The following RBM44 variants were observed in gnomAD, a reference collection of about 807,000 sequenced individuals.
RBM44 encodes the protein RNA-binding protein 44.
A neutral mutation model predicts 105.1 loss-of-function variants in RBM44; 66 were observed. The observed-to-expected ratio is 0.63, with a 90% confidence interval of 0.52 to 0.77. RBM44 has a LOEUF of 0.77. Among genes scored for constraint, RBM44 ranks in the 30% least tolerant of loss-of-function variants. The pLI, the probability that RBM44 is intolerant of heterozygous loss-of-function variation, is 0.00. For missense variants in RBM44, 1,122 were observed against 1,207.8 expected (o/e 0.93, Z 1.05); for synonymous variants, 365 against 417.6 (o/e 0.87, Z 1.54).
chr2:237,813,098 C>T (rs1298259201), intron 1 of RBM44, among the ~76,000 whole-genome samples: 3 of 152,142 alleles, frequency 2.0e-5, no homozygotes, highest in Non-Finnish European at 4.4e-5. Flanking sequence ...ATCCCCCATG[C>T]CCATTTATAG....
In RBM44 at chr2:237,803,329, T is replaced by A. The variant is rs2061565826; in HGVS notation, c.-19+4468T>A. Reference sequence around the variant, plus strand: ...CACACACACACACACATACTCTCTCTCTCACACACACACACATACTTTCTC... The same window carrying A: ...CACACACACACACACATACTCTCTCACTCACACACACACACATACTTTCTC... On this transcript the variant is annotated intron_variant, in intron 1 of 15. Coordinates refer to ENST00000316997, the MANE Select transcript of RBM44 (RefSeq NM_001080504.3). This position sits in a 1 kb window ranked among gnomAD's most constrained non-coding sequence, Gnocchi z 4.2. Among the ~76,000 whole-genome samples the A allele has an allele frequency of 6.7e-6, 1 of 149,436 alleles. No homozygotes were observed. Among genetic ancestry groups the A allele is most frequent in the Admixed American group, 6.6e-5 (1 of 15,082 alleles).
At chr2:237,806,744 AAT>A (rs1444471211) in intron 1 of RBM44, among the ~76,000 whole-genome samples, 1 of 152,178 alleles carries the variant, frequency 6.6e-6, no homozygotes, top group African/African-American at 2.4e-5. Context: ...GTCAAACACT[AAT>A]ATGTGTATTT....
chr2:237,814,832 C>T (rs980738240), intron 2 of RBM44, among the ~76,000 whole-genome samples: 2 of 152,036 alleles, frequency 1.3e-5, no homozygotes, highest in African/African-American at 2.4e-5. Flanking sequence ...AGTTAGAGTT[C>T]TACCTTATGC....
chr2:237,799,715 A>G (rs764903731), intron 1 of RBM44, among the ~76,000 whole-genome samples: 2 of 152,196 alleles, frequency 1.3e-5, no homozygotes, highest in Non-Finnish European at 2.9e-5. Context: ...ACTTATTCAG[A>G]TTTTAATCTG....
intron 1 of RBM44, among the ~76,000 whole-genome samples, chr2:237,805,337 A>G (rs1422454362): frequency 6.6e-6 from 1 of 152,232 alleles, no homozygotes; most frequent in Non-Finnish European, 1.5e-5. Context: ...AAGAAATCAG[A>G]CAACACAAAT....
In RBM44 at chr2:237,818,058, CCTGGACCT is replaced by C. The variant is rs1363875844; in HGVS notation, c.1143_1150del (p.Trp381CysfsTer3). On this transcript the variant is annotated frameshift_variant, in exon 3 of 16. Coordinates refer to ENST00000316997, the MANE Select transcript of RBM44 (RefSeq NM_001080504.3). LOFTEE classifies it high-confidence loss of function. The surrounding 1 kb of genome is among the most constrained non-coding windows in gnomAD (Gnocchi z 4.6). Reference sequence around the variant, plus strand: ...CAACCCTGTAAAGATTGTCAAACTTCCTGGACCTCTGTTTTTGATGATTCGATAATTTC... The same window carrying C: ...CAACCCTGTAAAGATTGTCAAACTTCCTGTTTTTGATGATTCGATAATTTC... 5 of 1,612,822 alleles carry C rather than the reference CCTGGACCT, an allele frequency of 3.1e-6. No individual in the cohort carries two copies. Among genetic ancestry groups the C allele is most frequent in the Non-Finnish European group, 4.2e-6 (5 of 1,179,448 alleles).
At chr2:237,799,716 T>A (rs1436639298) in intron 1 of RBM44, among the ~76,000 whole-genome samples, 1 of 152,208 alleles carries the variant, frequency 6.6e-6, no homozygotes, top group Non-Finnish European at 1.5e-5. Context: ...CTTATTCAGA[T>A]TTTAATCTGT....
At chr2:237,805,578 G>A (rs1197503342) in intron 1 of RBM44, among the ~76,000 whole-genome samples, 1 of 152,204 alleles carries the variant, frequency 6.6e-6, no homozygotes, top group East Asian at 1.9e-4. Flanking sequence ...TGGAATAACT[G>A]TCTAGTCATT....
chr2:237,821,699 T>C, intron 7 of RBM44, 44 bp from the exon 8 acceptor site: 1 of 1,353,354 alleles, frequency 7.4e-7, no homozygotes, highest in Non-Finnish European at 1.1e-6. Context: ...CCTTACTCTG[T>C]TATCAAACAT....
intron 15 of RBM44, among the ~76,000 whole-genome samples, chr2:237,839,246 C>A (rs1281246702): frequency 1.3e-5 from 2 of 151,980 alleles, no homozygotes; most frequent in Admixed American, 6.6e-5. Flanking sequence ...GAACAATTTT[C>A]TTTTTTTGGG....
Position 237,837,817 on chromosome 2 carries a change from G to A in RBM44, c.*22+3394G>A, listed in dbSNP as rs150679734. Among the ~76,000 whole-genome samples the A allele has an allele frequency of 8.5e-4, 129 of 151,434 alleles. 1 individual carries two copies. Among genetic ancestry groups the A allele is most frequent in the African/African-American group, 3.0e-3 (123 of 41,480 alleles). ...AGCCACTGTGCCCAGCCCAGAAAAT[G>A]CTTTCTTGAGATGCAGTCTACTACT... On this transcript the variant is annotated intron_variant, in intron 15 of 15. Coordinates refer to ENST00000316997, the MANE Select transcript of RBM44 (RefSeq NM_001080504.3).
chr2:237,827,608 C>T (rs983571163), intron 12 of RBM44, 105 bp downstream of exon 12: 2 of 705,448 alleles, frequency 2.8e-6, no homozygotes, highest in Non-Finnish European at 4.8e-6. Flanking sequence ...AAGGGTTATT[C>T]TCACAGGGTT....
chr2:237,821,396 AT>A (rs1484111576), intron 7 of RBM44, 28 bp downstream of exon 7: 6 of 1,497,868 alleles, frequency 4.0e-6, no homozygotes, highest in Non-Finnish European at 5.4e-6. Flanking sequence ...TTGATTTATA[AT>A]TCATTAGATC....
rs566287091 is a variant in RBM44, at chr2:237,809,443, T to G, written c.-18-4149T>G. On this transcript the variant is annotated intron_variant, in intron 1 of 15. Coordinates refer to ENST00000316997, the MANE Select transcript of RBM44 (RefSeq NM_001080504.3). ...ATGAAATGTGTATACTCAGTGTCTC[T>G]AGTTCTTTCTTTTACTTGTAAGTCT... Among the ~76,000 whole-genome samples, 26 of 152,322 alleles carry G rather than the reference T, an allele frequency of 1.7e-4. No individual in the cohort carries two copies. In the South Asian group the frequency reaches 5.2e-3, roughly 30 times the overall value.
chr2:237,822,213 A>G (rs138120313), intron 8 of RBM44, among the ~76,000 whole-genome samples: 1 of 152,226 alleles, frequency 6.6e-6, no homozygotes, highest in Non-Finnish European at 1.5e-5. Flanking sequence ...CATGAGGTAA[A>G]GTAATAATTC....
chr2:237,833,370 A>G (rs1215881363), intron 13 of RBM44, among the ~76,000 whole-genome samples: 9 of 152,214 alleles, frequency 5.9e-5, no homozygotes, highest in Admixed American at 5.9e-4. Flanking sequence ...TCTACAATTT[A>G]TAGCCTACTT....
At chr2:237,833,861 C>G in intron 13 of RBM44, 136 bp from the exon 14 acceptor site, 1 of 455,462 alleles carries the variant, frequency 2.2e-6, no homozygotes, top group Non-Finnish European at 3.6e-6. Context: ...ATAAACAATC[C>G]CAAGTTAAAG....
At chr2:237,828,748 T>C (rs1028741666) in intron 12 of RBM44, among the ~76,000 whole-genome samples, 1 of 152,164 alleles carries the variant, frequency 6.6e-6, no homozygotes, top group African/African-American at 2.4e-5. Context: ...TTTTTGTCTG[T>C]ATATTTCCCC....
chr2:237,837,112 A>G (rs1444048821), intron 15 of RBM44, among the ~76,000 whole-genome samples: 1 of 152,146 alleles, frequency 6.6e-6, no homozygotes, highest in Non-Finnish European at 1.5e-5. Flanking sequence ...CTCACCATTG[A>G]GACCTACTAC....
Sources: allele counts gnomAD v4.1 joint callset (sites outside exome capture counted in the v4.1 genomes callset), GRCh38; gene constraint gnomAD v4.1.1; non-coding constraint Gnocchi (gnomAD v3.1); transcripts MANE v1.5; gene names NCBI Gene and HGNC (gene_info 2026-07-23, HGNC 2026-07-21).